Variants in SLC24A2 observed in about 807,000 individuals in gnomAD.
SLC24A2 encodes the protein solute carrier family 24 member 2, also known as sodium/potassium/calcium exchanger 2.
Under a neutral mutation model 62.0 loss-of-function variants are expected in SLC24A2, and 36 were observed. That is an observed-to-expected ratio of 0.58 (90% CI 0.44 to 0.77). SLC24A2 has a LOEUF of 0.77. Ranked by LOEUF, SLC24A2 falls within the 30% of genes least tolerant of loss-of-function variation. The pLI is 0.00. For missense variants in SLC24A2, 846 were observed against 817.9 expected (o/e 1.03, Z -0.42); for synonymous variants, 358 against 294.0 (o/e 1.22, Z -2.23).
rs113973811 is a variant in SLC24A2, at chr9:19,608,892, A to G, written c.1078+10692T>C. On this transcript the variant is annotated intron_variant, in intron 4 of 10. Coordinates refer to ENST00000341998, the MANE Select transcript of SLC24A2 (RefSeq NM_020344.4). ...GTTAGTTCAGTGGGCAAGGAGCTAC[A>G]TGCCTGCTCATCTCAAAGGAACCAC... 5.6e-3 allele frequency among the ~76,000 whole-genome samples: 848 copies of G among 152,274 alleles called. 6 individuals are homozygous for G. Among genetic ancestry groups the G allele is most frequent in the African/African-American group, 0.019 (806 of 41,556 alleles).
At chr9:19,905,005 T>C in the SLC24A2 span, among the ~76,000 whole-genome samples, 1 of 152,198 alleles carries the variant, frequency 6.6e-6, no homozygotes, top group Non-Finnish European at 1.5e-5. Context: ...TCTCAAAGTA[T>C]AATATATAGC....
chr9:20,202,062 T>TGTGC, the SLC24A2 span, among the ~76,000 whole-genome samples: 4 of 146,390 alleles, frequency 2.7e-5, no homozygotes. Context: ...TGTGTGTGTG[T>TGTGC]GTGTGTGTGT....
the SLC24A2 span, among the ~76,000 whole-genome samples, chr9:20,275,179 C>T: frequency 6.6e-6 from 1 of 152,074 alleles, no homozygotes. Flanking sequence ...TAAAAGTAAA[C>T]ATAGACATAG....
At chr9:20,222,311 G>C in the SLC24A2 span, among the ~76,000 whole-genome samples, 1 of 151,580 alleles carries the variant, frequency 6.6e-6, no homozygotes, top group South Asian at 2.1e-4. Flanking sequence ...AAGACCAATA[G>C]AAAACCTAAA....
At chr9:20,211,454 G>A in the SLC24A2 span, among the ~76,000 whole-genome samples, 2 of 152,186 alleles carry the variant, frequency 1.3e-5, no homozygotes, top group African/African-American at 2.4e-5. Flanking sequence ...AGAGGTTGCC[G>A]TGAGCTGAGA....
chr9:20,094,124 T>C, the SLC24A2 span, among the ~76,000 whole-genome samples: 1 of 152,144 alleles, frequency 6.6e-6, no homozygotes, highest in Non-Finnish European at 1.5e-5. Context: ...TTGACAAGAA[T>C]CAACACAGTG....
intron 2 of SLC24A2, among the ~76,000 whole-genome samples, chr9:19,710,032 C>T (rs570519564): frequency 3.3e-5 from 5 of 152,258 alleles, no homozygotes; most frequent in South Asian, 2.1e-4. Flanking sequence ...AAAAGCAGTG[C>T]CCCTTTTCAC....
chr9:20,277,904 T>A, the SLC24A2 span, among the ~76,000 whole-genome samples: 2 of 152,008 alleles, frequency 1.3e-5, no homozygotes, highest in Non-Finnish European at 2.9e-5. Flanking sequence ...TACTATGCAA[T>A]CATAAAAAAG....
chr9:20,127,125 C>A, the SLC24A2 span, among the ~76,000 whole-genome samples: 1 of 151,796 alleles, frequency 6.6e-6, no homozygotes, highest in African/African-American at 2.4e-5. Flanking sequence ...TTTGCTTTGT[C>A]CACATTTTCT....
chr9:19,572,016 T>A (rs1391094166), intron 7 of SLC24A2, among the ~76,000 whole-genome samples: 2 of 151,790 alleles, frequency 1.3e-5, no homozygotes, highest in African/African-American at 2.4e-5. Context: ...ACGCCTATAA[T>A]CCCAGCACTT....
chr9:19,861,277 G>A, the SLC24A2 span, among the ~76,000 whole-genome samples: 1 of 152,148 alleles, frequency 6.6e-6, no homozygotes, highest in African/African-American at 2.4e-5. Context: ...AGTAAGAGAA[G>A]AAAACAAAAG....
the SLC24A2 span, among the ~76,000 whole-genome samples, chr9:19,814,249 G>T: frequency 6.6e-6 from 1 of 152,036 alleles, no homozygotes; most frequent in Non-Finnish European, 1.5e-5. Context: ...TAAAAATCAA[G>T]ATTCTGTCCT....
At chr9:20,106,127 A>G in the SLC24A2 span, among the ~76,000 whole-genome samples, 1 of 152,254 alleles carries the variant, frequency 6.6e-6, no homozygotes, top group Admixed American at 6.5e-5. Context: ...TGACACTTAC[A>G]CCCTCCCAAG....
the SLC24A2 span, among the ~76,000 whole-genome samples, chr9:20,124,737 C>T: frequency 8.5e-5 from 13 of 152,352 alleles, no homozygotes; most frequent in African/African-American, 3.1e-4. Context: ...CCAGTTCCCT[C>T]TCTTAGGTCT....
At chr9:20,294,304 C>T in the SLC24A2 span, among the ~76,000 whole-genome samples, 1 of 152,056 alleles carries the variant, frequency 6.6e-6, no homozygotes, top group African/African-American at 2.4e-5. Context: ...CATTTCTCCA[C>T]GTGACTGCTC....
chr9:20,250,160 T>C, the SLC24A2 span, among the ~76,000 whole-genome samples: 2 of 152,192 alleles, frequency 1.3e-5, no homozygotes, highest in Non-Finnish European at 2.9e-5. Flanking sequence ...CTCTGTAATG[T>C]AGATAGGGAA....
At chr9:20,073,535 G>A in the SLC24A2 span, among the ~76,000 whole-genome samples, 2 of 152,118 alleles carry the variant, frequency 1.3e-5, no homozygotes, top group South Asian at 2.1e-4. Context: ...ATCAGGGGGT[G>A]GAAATATAGG....
At chr9:19,949,049 A>ATCTCACTCT in the SLC24A2 span, among the ~76,000 whole-genome samples, 1 of 151,836 alleles carries the variant, frequency 6.6e-6, no homozygotes, top group African/African-American at 2.4e-5. Flanking sequence ...GCTGGAGTGC[A>ATCTCACTCT]GTGGTGCCAT....
At chr9:20,244,391 A>G in the SLC24A2 span, among the ~76,000 whole-genome samples, 1 of 152,284 alleles carries the variant, frequency 6.6e-6, no homozygotes, top group South Asian at 2.1e-4. Flanking sequence ...TTAAGCCAGC[A>G]CTGAGGGATA....
Sources: allele counts gnomAD v4.1 joint callset (sites outside exome capture counted in the v4.1 genomes callset), GRCh38; gene constraint gnomAD v4.1.1; transcripts MANE v1.5; gene names NCBI Gene and HGNC (gene_info 2026-07-23, HGNC 2026-07-21).